TMEM168: variants seen among roughly 807,000 people sequenced by gnomAD.
TMEM168 encodes the protein transmembrane protein 168.
A neutral mutation model predicts 53.2 loss-of-function variants in TMEM168; 40 were observed. The ratio of observed to expected loss-of-function variants is 0.75; its 90% CI spans 0.58 to 0.98. The LOEUF is 0.98. TMEM168 is among the 50% of genes least tolerant of loss of function. TMEM168 has a pLI of 0.00. For synonymous variants in TMEM168, 282 were observed against 293.0 expected (o/e 0.96, Z 0.38); for missense variants, 771 against 828.8 (o/e 0.93, Z 0.86).
chr7:112,784,233 G>T lies in TMEM168; in HGVS notation c.593C>A (p.Ser198Tyr). The change falls in exon 2 of 5, where the codon TCT becomes TAT. Residue 198 changes from serine (S) to tyrosine (Y), a missense_variant. Coordinates refer to ENST00000312814, the MANE Select transcript of TMEM168 (RefSeq NM_022484.6). ...AACTAAGTTTGGAATAGCTAAGAAA[G>T]ATTTCATTCTCAGATCAATAATCAG... ...AMLIIDLRMKSFLAIPNLVIF... is the reference protein window; with the variant it reads ...AMLIIDLRMKYFLAIPNLVIF... 1 of 1,613,746 alleles carries T rather than the reference G, an allele frequency of 6.2e-7. No individual in the cohort carries two copies.
At chr7:112,782,904 T>C (rs921260391) in intron 2 of TMEM168, among the ~76,000 whole-genome samples, 9 of 147,750 alleles carry the variant, frequency 6.1e-5, no homozygotes, top group African/African-American at 2.4e-4. Context: ...TAATCATAAT[T>C]GTTTGTTTAC....
intron 1 of TMEM168, among the ~76,000 whole-genome samples, chr7:112,787,758 G>GTTTT (rs1793430524): frequency 1.8e-5 from 1 of 55,460 alleles, no homozygotes; most frequent in African/African-American, 6.7e-5. Flanking sequence ...TTGAGACAGA[G>GTTTT]TTTCATTCTT....
rs775565030 is a variant in TMEM168, at chr7:112,784,849, C to T, written c.-24G>A. The T allele has an allele frequency of 3.2e-5, 48 of 1,516,126 alleles. No individual in the cohort carries two copies. The highest frequency in any genetic ancestry group is 4.1e-5 in the Non-Finnish European group (47 of 1,140,914). 93.9% of individuals were successfully genotyped at this position (1,516,126 alleles called of 1,614,324 possible). ...ATGTAACCAGCAATGTGGGCTTTTC[C>T]CTCACGTTACAAAAATTAACCGCTT... On this transcript the variant is annotated 5_prime_UTR_variant, in exon 2 of 5. Transcript: ENST00000312814.
chr7:112,785,993 A>G (rs534656312), intron 1 of TMEM168, among the ~76,000 whole-genome samples: 1 of 152,284 alleles, frequency 6.6e-6, no homozygotes, highest in South Asian at 2.1e-4. Flanking sequence ...GGATCACTTG[A>G]GGTCAGCAGT....
intron 3 of TMEM168, among the ~76,000 whole-genome samples, chr7:112,773,821 T>C (rs1009574473): frequency 2.6e-5 from 4 of 152,180 alleles, no homozygotes; most frequent in African/African-American, 9.6e-5. Context: ...ATCAGTACTA[T>C]TCTACTAACT....
At chr7:112,788,528 C>T (rs995459916) in intron 1 of TMEM168, 13 of 152,210 alleles carry the variant, frequency 8.5e-5, no homozygotes, top group African/African-American at 3.1e-4. Context: ...CCATTCTGAT[C>T]TTCTTCAAAA....
intron 2 of TMEM168, among the ~76,000 whole-genome samples, chr7:112,780,160 A>T (rs562849480): frequency 4.0e-4 from 61 of 152,346 alleles, no homozygotes; most frequent in African/African-American, 1.5e-3. Context: ...ACTTTTGTTC[A>T]ATCCCAGCTC....
At position 112,767,560 on chromosome 7, in the gene TMEM168, A is replaced by C. The variant is rs760785866; in HGVS notation, c.1731T>G (p.Ile577Met). 1.9e-6 allele frequency: 3 copies of C among 1,613,980 alleles called. No homozygotes were observed. The East Asian group carries it at 6.7e-5, about 36-fold the overall frequency. ...CTAGCTGTGGCGGGTCAGCTTCTTC[A>C]ATATCTACTGTTTTTATCAACTCTG... Reference protein sequence around the residue: ...QGAELIKTVDIEEADPPQLGD... With the variant: ...QGAELIKTVDMEEADPPQLGD... The change falls in exon 5 of 5, where the codon ATT (isoleucine) becomes ATG (methionine). Residue 577 changes from isoleucine to methionine, a missense_variant. Coordinates refer to ENST00000312814, the MANE Select transcript of TMEM168 (RefSeq NM_022484.6).
At chr7:112,768,920 A>C (rs991715950) in intron 4 of TMEM168, among the ~76,000 whole-genome samples, 18 of 152,258 alleles carry the variant, frequency 1.2e-4, no homozygotes, top group Non-Finnish European at 2.2e-4. Flanking sequence ...ATTGATGAGA[A>C]AATGTCTATA....
intron 3 of TMEM168, among the ~76,000 whole-genome samples, chr7:112,774,825 C>T (rs886140975): frequency 1.3e-5 from 2 of 152,054 alleles, no homozygotes; most frequent in African/African-American, 4.8e-5. Flanking sequence ...AGGTGATCCG[C>T]CCGCCTCGGC....
At chr7:112,780,414 AC>A (rs1793196193) in intron 2 of TMEM168, among the ~76,000 whole-genome samples, 1 of 152,236 alleles carries the variant, frequency 6.6e-6, no homozygotes. Context: ...ATTCATAATT[AC>A]CAAAAAACTG....
intron 4 of TMEM168, among the ~76,000 whole-genome samples, chr7:112,770,354 GCTTT>G (rs1442468832): frequency 6.6e-6 from 1 of 152,102 alleles, no homozygotes. Context: ...AGATCAGTAT[GCTTT>G]CTCTCTCTTT....
intron 4 of TMEM168, among the ~76,000 whole-genome samples, chr7:112,768,286 C>T (rs867329564): frequency 2.0e-5 from 3 of 151,940 alleles, no homozygotes; most frequent in African/African-American, 7.3e-5. Context: ...TCATTTATAC[C>T]GTCTATGGCT....
intron 3 of TMEM168, 109 bp downstream of exon 3, chr7:112,775,067 A>C: frequency 1.1e-6 from 1 of 912,322 alleles, no homozygotes; most frequent in Non-Finnish European, 1.5e-6. Context: ...GAAATGCACA[A>C]GTTATATTTT....
intron 2 of TMEM168, among the ~76,000 whole-genome samples, chr7:112,778,015 T>A (rs1793135784): frequency 6.6e-6 from 1 of 151,576 alleles, no homozygotes; most frequent in African/African-American, 2.4e-5. Flanking sequence ...CCTAGGATAA[T>A]GATACCTTCT....
chr7:112,774,320 T>C (rs1416804049), intron 3 of TMEM168, among the ~76,000 whole-genome samples: 1 of 151,918 alleles, frequency 6.6e-6, no homozygotes, highest in African/African-American at 2.4e-5. Context: ...GAATTCCTAG[T>C]ATTTGTATGG....
rs1367452228 is a variant in TMEM168, at chr7:112,764,157, G to C, written c.*3040C>G. ...ATAAAATTAAAATAAATAAATAATG[G>C]TTAAAAAAAGAAAATAAATTCATAC... On this transcript the variant is annotated 3_prime_UTR_variant, in exon 5 of 5. Coordinates refer to ENST00000312814, the MANE Select transcript of TMEM168 (RefSeq NM_022484.6). 6.6e-6 allele frequency: 1 copy of C among 150,932 alleles called. No individual in the cohort carries two copies. The highest frequency in any genetic ancestry group is 1.9e-4 in the East Asian group (1 of 5,174). 9.3% of individuals were successfully genotyped at this position (150,932 alleles called of 1,614,324 possible).
At chr7:112,776,750 G>GT (rs1315541879) in intron 2 of TMEM168, among the ~76,000 whole-genome samples, 1 of 150,364 alleles carries the variant, frequency 6.7e-6, no homozygotes, top group African/African-American at 2.5e-5. Context: ...ACATATTCAT[G>GT]TGTATGTTTT....
chr7:112,768,406 ATT>A (rs1345236529), intron 4 of TMEM168, among the ~76,000 whole-genome samples: 2 of 152,198 alleles, frequency 1.3e-5, no homozygotes, highest in Admixed American at 6.5e-5. Flanking sequence ...ATTCTGTATC[ATT>A]GTTTCCTTCT....
Sources: gnomAD v4.1 joint callset for allele counts (sites outside exome capture counted in the v4.1 genomes callset) on GRCh38, gnomAD v4.1.1 for gene constraint, MANE v1.5 for transcripts, NCBI Gene and HGNC (gene_info 2026-07-23, HGNC 2026-07-21) for gene names.